RNF38: variants seen among roughly 807,000 people sequenced by gnomAD.
RNF38 encodes E3 ubiquitin-protein ligase RNF38.
A neutral mutation model predicts 67.2 loss-of-function variants in RNF38; 15 were observed. The ratio of observed to expected loss-of-function variants is 0.22; its 90% CI spans 0.15 to 0.34. RNF38 has a LOEUF of 0.34. RNF38 is among the 10% of genes least tolerant of loss of function. RNF38 has a pLI of 1.00. For synonymous variants in RNF38, 220 were observed against 218.8 expected, an observed-to-expected ratio of 1.01 and a Z score of -0.05; for missense variants, 524 against 639.9, an observed-to-expected ratio of 0.82 and a Z score of 1.95.
rs1195286650 is a variant in RNF38, at chr9:36,369,767, A to C, written c.522T>G (p.Ala174=). 1 of 1,613,972 alleles carries C rather than the reference A, an allele frequency of 6.2e-7. No individual in the cohort carries two copies. The highest frequency in any genetic ancestry group is 8.5e-7 in the Non-Finnish European group (1 of 1,180,034). Residue 174 remains alanine (A), a synonymous_variant, in exon 4 of 12, where the codon GCT becomes GCG. Coordinates refer to ENST00000259605, the MANE Select transcript of RNF38 (RefSeq NM_022781.5). ...CTGCATTCTGCTGGGGTGGATGAGC[A>C]GCAGGATGTAGCAGACGGGGAGATA... ...PNVSPRLLHP[A]AHPPQQNAVM...
At chr9:36,373,159 A>T (rs1835515326) in intron 3 of RNF38, among the ~76,000 whole-genome samples, 1 of 152,216 alleles carries the variant, frequency 6.6e-6, no homozygotes, top group Non-Finnish European at 1.5e-5. Context: ...GTGAGCCGAG[A>T]TCGCACCATT....
chr9:36,422,840 A>C (rs1457033991), intron 2 of RNF38, among the ~76,000 whole-genome samples: 1 of 152,226 alleles, frequency 6.6e-6, no homozygotes, highest in African/African-American at 2.4e-5. Flanking sequence ...TATAGAAAAG[A>C]TTAATAAATT....
intron 1 of RNF38, among the ~76,000 whole-genome samples, chr9:36,454,185 G>A (rs1286744061): frequency 6.6e-6 from 1 of 150,888 alleles, no homozygotes; most frequent in Non-Finnish European, 1.5e-5. Flanking sequence ...GTGCAGTGGC[G>A]CAATCTCGGC....
chr9:36,481,256 C>T (rs1366337347), intron 1 of RNF38, among the ~76,000 whole-genome samples: 3 of 152,090 alleles, frequency 2.0e-5, no homozygotes, highest in Non-Finnish European at 2.9e-5. Flanking sequence ...CTCAGGTGAT[C>T]CACCCGCCTC....
intron 1 of RNF38, among the ~76,000 whole-genome samples, chr9:36,457,904 A>C (rs1347594351): frequency 6.6e-6 from 1 of 152,246 alleles, no homozygotes; most frequent in African/African-American, 2.4e-5. Context: ...AACTGTACAC[A>C]AAATTCAGAA....
At chr9:36,341,840 ATATATATATATATATATATAT>A in intron 11 of RNF38, among the ~76,000 whole-genome samples, 1 of 2,106 alleles carries the variant, frequency 4.7e-4, no homozygotes, top group African/African-American at 1.1e-3. Flanking sequence ...ATATATATAT[ATATATATATATATATATATAT>A]ATATAAAGAA....
At chr9:36,377,352 G>A (rs1835865737) in intron 2 of RNF38, among the ~76,000 whole-genome samples, 1 of 151,940 alleles carries the variant, frequency 6.6e-6, no homozygotes, top group Admixed American at 6.6e-5. Flanking sequence ...AAAATATACA[G>A]GATTATAAAT....
rs559515871 is a variant in RNF38, at chr9:36,373,933, C to T, written c.356+2001G>A. 7.9e-5 allele frequency among the ~76,000 whole-genome samples: 12 copies of T among 152,254 alleles called. No homozygotes were observed. In the East Asian group the frequency reaches 2.3e-3, roughly 29 times the overall value. On this transcript the variant is annotated intron_variant, in intron 3 of 11. Transcript: ENST00000259605. The stretch of plus-strand genomic sequence containing the variant: ...CTCGAACTCCTGATCTCAGGTGATC[C>T]ATCCACCTCGGCCTCCCAAAGTGCT...
chr9:36,348,620 G>A (rs1391706226), intron 9 of RNF38, among the ~76,000 whole-genome samples: 6 of 152,210 alleles, frequency 3.9e-5, no homozygotes, highest in African/African-American at 1.4e-4. Context: ...ATTCTCTTTA[G>A]CCAAAACCTA....
intron 8 of RNF38, among the ~76,000 whole-genome samples, chr9:36,351,897 G>C (rs991891400): frequency 6.6e-6 from 1 of 152,130 alleles, no homozygotes; most frequent in Non-Finnish European, 1.5e-5. Context: ...GAGCCTGAGA[G>C]GCCACCTTAG....
chr9:36,370,437 A>C (rs1835290115), intron 3 of RNF38, among the ~76,000 whole-genome samples: 1 of 152,336 alleles, frequency 6.6e-6, no homozygotes, highest in South Asian at 2.1e-4. Context: ...TGAAATAACC[A>C]AAGAACATAT....
intron 6 of RNF38, among the ~76,000 whole-genome samples, chr9:36,353,859 G>C (rs76012614): frequency 0.014 from 2,142 of 152,164 alleles, 21 homozygotes; most frequent in Non-Finnish European, 0.02. Flanking sequence ...TTAACTTTCA[G>C]ATAAATTACT....
intron 1 of RNF38, among the ~76,000 whole-genome samples, chr9:36,444,617 T>C (rs1375939723): frequency 6.6e-6 from 1 of 152,090 alleles, no homozygotes; most frequent in African/African-American, 2.4e-5. Context: ...CTGACCAACA[T>C]ACTGAAATCC....
At chr9:36,467,541 G>A (rs1354223871) in intron 1 of RNF38, among the ~76,000 whole-genome samples, 1 of 152,136 alleles carries the variant, frequency 6.6e-6, no homozygotes, top group Non-Finnish European at 1.5e-5. Context: ...GTCAGATTAT[G>A]ATTCTGCTGC....
chr9:36,422,439 A>AC (rs1051792772), intron 2 of RNF38, among the ~76,000 whole-genome samples: 100 of 152,206 alleles, frequency 6.6e-4, no homozygotes, highest in African/African-American at 2.3e-3. Flanking sequence ...CAAAAAAAAA[A>AC]AAACAGGAGA....
chr9:36,364,174 A>C (rs1263595085), intron 4 of RNF38, among the ~76,000 whole-genome samples: 1 of 151,968 alleles, frequency 6.6e-6, no homozygotes, highest in Non-Finnish European at 1.5e-5. Flanking sequence ...CCTCTCCTCC[A>C]CCAGAGACAG....
chr9:36,423,943 C>T (rs552119699), intron 2 of RNF38, among the ~76,000 whole-genome samples: 1 of 18,408 alleles, frequency 5.4e-5, no homozygotes, highest in Admixed American at 4.5e-4. Context: ...AGCGAGACTC[C>T]GTCTCAAAAA....
intron 4 of RNF38, among the ~76,000 whole-genome samples, chr9:36,358,968 G>A (rs959951822): frequency 6.6e-6 from 1 of 152,134 alleles, no homozygotes; most frequent in Non-Finnish European, 1.5e-5. Flanking sequence ...CTGAGATCGC[G>A]CCATTGCACT....
chr9:36,477,087 G>A (rs1360258340), intron 1 of RNF38, among the ~76,000 whole-genome samples: 6 of 152,064 alleles, frequency 3.9e-5, no homozygotes, highest in Admixed American at 6.6e-5. Context: ...ACTTTGGGGG[G>A]CTGAGGCAGG....
Sources: allele counts gnomAD v4.1 joint callset (sites outside exome capture counted in the v4.1 genomes callset), GRCh38; gene constraint gnomAD v4.1.1; transcripts MANE v1.5; gene names NCBI Gene and HGNC (gene_info 2026-07-23, HGNC 2026-07-21).